Variants in LRRTM4 observed in about 807,000 individuals in gnomAD.
The protein encoded by LRRTM4 is leucine rich repeat transmembrane neuronal 4, also known as leucine-rich repeat transmembrane neuronal protein 4.
In LRRTM4, 25 loss-of-function variants were observed where a neutral mutation model predicts 47.6. That is an observed-to-expected ratio of 0.53 (90% confidence interval 0.38 to 0.73). The LOEUF is 0.73. LRRTM4 is among the 30% of genes least tolerant of loss of function. The probability of loss-of-function intolerance (pLI) is 0.00; values close to 1 mark genes in which losing one functional copy is unlikely to be tolerated. For missense variants in LRRTM4, 638 were observed against 713.4 expected (o/e 0.89, Z 1.20); for synonymous variants, 311 against 269.5 (o/e 1.15, Z -1.51).
intron 3 of LRRTM4, among the ~76,000 whole-genome samples, chr2:77,418,664 C>T (rs560801156): frequency 2.0e-5 from 3 of 152,168 alleles, no homozygotes; most frequent in Non-Finnish European, 4.4e-5. Flanking sequence ...CCCAGCAACA[C>T]GACTCCCTTG....
At chr2:76,908,819 A>T (rs1208712766) in intron 3 of LRRTM4, among the ~76,000 whole-genome samples, 1 of 152,020 alleles carries the variant, frequency 6.6e-6, no homozygotes, top group Non-Finnish European at 1.5e-5. Flanking sequence ...GAGAACTACA[A>T]ACCACTGCTC....
chr2:77,054,873 A>G (rs1276074398), intron 3 of LRRTM4, among the ~76,000 whole-genome samples: 2 of 152,212 alleles, frequency 1.3e-5, no homozygotes, highest in South Asian at 2.1e-4. Context: ...GGAAATATTC[A>G]TTTTTGACCA....
chr2:77,037,708 A>C (rs1251904030), intron 3 of LRRTM4, among the ~76,000 whole-genome samples: 2 of 151,686 alleles, frequency 1.3e-5, no homozygotes, highest in East Asian at 3.9e-4. Context: ...TATACTCCCC[A>C]TTAGACACAT....
chr2:77,187,191 T>C (rs1673535026), intron 3 of LRRTM4, among the ~76,000 whole-genome samples: 1 of 152,108 alleles, frequency 6.6e-6, no homozygotes, highest in African/African-American at 2.4e-5. Flanking sequence ...AGCCCCATCC[T>C]TTTGCCTTGA....
At chr2:77,477,863 G>A (rs1290766630) in intron 3 of LRRTM4, among the ~76,000 whole-genome samples, 15 of 110,574 alleles carry the variant, frequency 1.4e-4, no homozygotes, top group African/African-American at 4.2e-4. Context: ...AAAAGAAAGA[G>A]AGAGAGAAAG....
intron 3 of LRRTM4, among the ~76,000 whole-genome samples, chr2:77,255,535 A>G (rs1422494931): frequency 6.6e-6 from 1 of 152,030 alleles, no homozygotes; most frequent in East Asian, 1.9e-4. Flanking sequence ...AACACACTTC[A>G]AAATATTGAA....
At chr2:77,000,639 G>A (rs115968482) in intron 3 of LRRTM4, among the ~76,000 whole-genome samples, 1,904 of 152,232 alleles carry the variant, frequency 0.013, 39 homozygotes, top group African/African-American at 0.043. Flanking sequence ...TCAGTTTGTT[G>A]TTTGTGGAAC....
chr2:77,029,330 G>C (rs940262046), intron 3 of LRRTM4, among the ~76,000 whole-genome samples: 1 of 151,964 alleles, frequency 6.6e-6, no homozygotes. Flanking sequence ...GCCAGTCCGA[G>C]TCCCAAAACC....
intron 3 of LRRTM4, among the ~76,000 whole-genome samples, chr2:77,065,871 T>C (rs550516959): frequency 6.6e-6 from 1 of 152,314 alleles, no homozygotes; most frequent in East Asian, 1.9e-4. Flanking sequence ...AGAATGATGC[T>C]AGCCTTATGT....
chr2:77,334,571 C>T (rs1435452901), intron 3 of LRRTM4, among the ~76,000 whole-genome samples: 3 of 152,332 alleles, frequency 2.0e-5, no homozygotes, highest in East Asian at 3.9e-4. Context: ...TCCTCCTTGC[C>T]TTTCACCTTC....
intron 3 of LRRTM4, among the ~76,000 whole-genome samples, chr2:76,953,382 T>C (rs778392470): frequency 1.3e-5 from 2 of 151,842 alleles, no homozygotes; most frequent in Middle Eastern, 3.2e-3. Context: ...CCAAGAATAG[T>C]TGCTTTGAAA....
chr2:77,211,662 T>A (rs1342261188), intron 3 of LRRTM4, among the ~76,000 whole-genome samples: 1 of 152,148 alleles, frequency 6.6e-6, no homozygotes, highest in Non-Finnish European at 1.5e-5. Flanking sequence ...TATGGATAGG[T>A]AAATTCATTC....
intron 3 of LRRTM4, among the ~76,000 whole-genome samples, chr2:77,308,697 A>G (rs1677359462): frequency 6.6e-6 from 1 of 152,052 alleles, no homozygotes; most frequent in African/African-American, 2.4e-5. Context: ...ACAGCAATCC[A>G]TGTACATTGA....
At chr2:77,200,952 G>T (rs994141860) in intron 3 of LRRTM4, among the ~76,000 whole-genome samples, 1 of 152,082 alleles carries the variant, frequency 6.6e-6, no homozygotes, top group Non-Finnish European at 1.5e-5. Context: ...AAAATCATTT[G>T]TGTGCCTAGA....
At position 77,517,067 on chromosome 2, in the gene LRRTM4, A is replaced by G. The variant is rs906699241; in HGVS notation, c.1551+1251T>C. 3.0e-5 allele frequency: 30 copies of G among 984,902 alleles called. No individual in the cohort carries two copies. The African/African-American group carries it at 4.2e-4, about 14-fold the overall frequency. 61.0% of individuals were successfully genotyped at this position (984,902 alleles called of 1,614,324 possible). On this transcript the variant is annotated intron_variant, in intron 3 of 3. Coordinates refer to ENST00000409884, the MANE Select transcript of LRRTM4 (RefSeq NM_001134745.3). ...TGCCAGAATTTAACCTCTCTTCACT[A>G]GTTTCTTCCAGCAACAAGGCCTTAG...
chr2:77,494,469 T>G (rs1678284911), intron 3 of LRRTM4, among the ~76,000 whole-genome samples: 1 of 151,798 alleles, frequency 6.6e-6, no homozygotes, highest in Non-Finnish European at 1.5e-5. Flanking sequence ...TTTAGATACT[T>G]CTCCTAGGCA....
chr2:76,877,458 C>T (rs189141051), intron 3 of LRRTM4, among the ~76,000 whole-genome samples: 32 of 151,584 alleles, frequency 2.1e-4, no homozygotes, highest in East Asian at 7.7e-4. Context: ...TTCACAATTG[C>T]GTGGTATTTA....
chr2:77,288,978 CA>C (rs1676743545), intron 3 of LRRTM4, among the ~76,000 whole-genome samples: 1 of 152,052 alleles, frequency 6.6e-6, no homozygotes, highest in Admixed American at 6.6e-5. Flanking sequence ...TAGTGAAAAA[CA>C]GTTTGCCCTT....
At chr2:77,308,098 T>A (rs1471683016) in intron 3 of LRRTM4, among the ~76,000 whole-genome samples, 1 of 141,712 alleles carries the variant, frequency 7.1e-6, no homozygotes, top group Non-Finnish European at 1.5e-5. Flanking sequence ...TAGATATATA[T>A]GTATATGTTA....
Sources: gnomAD v4.1 joint callset for allele counts (sites outside exome capture counted in the v4.1 genomes callset) on GRCh38, gnomAD v4.1.1 for gene constraint, MANE v1.5 for transcripts, NCBI Gene and HGNC (gene_info 2026-07-23, HGNC 2026-07-21) for gene names.